Variants in CSMD1 observed in about 807,000 individuals in gnomAD.
CSMD1 encodes the protein CUB and sushi domain-containing protein 1.
A neutral mutation model predicts 417.5 loss-of-function variants in CSMD1; 213 were observed. The ratio of observed to expected loss-of-function variants is 0.51; its 90% CI spans 0.46 to 0.57. CSMD1 has a LOEUF of 0.57. Among genes scored for constraint, CSMD1 ranks in the 20% least tolerant of loss-of-function variants. CSMD1 has a pLI of 0.00. For missense variants in CSMD1, 6,923 were observed against 4,529.7 expected (o/e 1.53, Z -15.17); for synonymous variants, 2,862 against 1,736.8 (o/e 1.65, Z -16.11).
At chr8:4,975,762 TA>T (rs1810519519) in intron 1 of CSMD1, among the ~76,000 whole-genome samples, 1 of 152,158 alleles carries the variant, frequency 6.6e-6, no homozygotes, top group African/African-American at 2.4e-5. Context: ...ACTGTTTCCA[TA>T]ATAACCACTA....
intron 49 of CSMD1, among the ~76,000 whole-genome samples, chr8:3,064,141 G>C (rs1278726626): frequency 6.6e-6 from 1 of 152,172 alleles, no homozygotes; most frequent in African/African-American, 2.4e-5. Flanking sequence ...ACAGGTTACT[G>C]AATACGTTTT....
In CSMD1 at chr8:3,306,220, G is replaced by T. The variant is rs539319228; in HGVS notation, c.3950+1475C>A. ...AATACACATTACTAAGCTTGATAGG[G>T]TGGCTTTTCTGAATAAGGACAAAAA... On this transcript the variant is annotated intron_variant, in intron 25 of 69. Coordinates refer to ENST00000635120, the MANE Select transcript of CSMD1 (RefSeq NM_033225.6). Among the ~76,000 whole-genome samples the T allele has an allele frequency of 3.3e-5, 5 of 152,274 alleles. No homozygotes were observed. In the South Asian group the frequency reaches 1.0e-3, roughly 32 times the overall value.
At chr8:4,465,413 G>A (rs1329710467) in intron 2 of CSMD1, among the ~76,000 whole-genome samples, 1 of 152,104 alleles carries the variant, frequency 6.6e-6, no homozygotes, top group Non-Finnish European at 1.5e-5. Flanking sequence ...TCATGCTGAA[G>A]GAGCCTTGTA....
At chr8:4,747,658 G>A (rs751001383) in intron 1 of CSMD1, among the ~76,000 whole-genome samples, 14 of 152,080 alleles carry the variant, frequency 9.2e-5, no homozygotes, top group African/African-American at 3.4e-4. Context: ...ATACTCAGTT[G>A]TTGATTTTGC....
intron 10 of CSMD1, among the ~76,000 whole-genome samples, chr8:3,536,472 C>G (rs1798204394): frequency 6.6e-6 from 1 of 152,258 alleles, no homozygotes; most frequent in Middle Eastern, 3.4e-3. Context: ...GGCCAGGTTT[C>G]CTCTTTGATT....
At chr8:3,759,673 C>T (rs1797879787) in intron 5 of CSMD1, among the ~76,000 whole-genome samples, 1 of 150,634 alleles carries the variant, frequency 6.6e-6, no homozygotes, top group Admixed American at 6.6e-5. Flanking sequence ...GTCAGCGGAC[C>T]ACCTGAGGTC....
chr8:4,487,824 A>T (rs539354171), intron 2 of CSMD1, among the ~76,000 whole-genome samples: 3 of 94,482 alleles, frequency 3.2e-5, no homozygotes, highest in African/African-American at 3.0e-5. Flanking sequence ...GAGAGAGATA[A>T]CAAGGGCTAA....
chr8:4,160,168 G>A (rs888860732), intron 3 of CSMD1, among the ~76,000 whole-genome samples: 2 of 151,722 alleles, frequency 1.3e-5, no homozygotes, highest in Admixed American at 1.3e-4. Flanking sequence ...ATGATTTACT[G>A]ACTAAGACTT....
At chr8:3,965,839 G>A (rs1391751880) in intron 5 of CSMD1, among the ~76,000 whole-genome samples, 1 of 152,064 alleles carries the variant, frequency 6.6e-6, no homozygotes, top group South Asian at 2.1e-4. Flanking sequence ...GGCCGGTCTT[G>A]AACTCTTGAC....
rs564159163 is a variant in CSMD1 at position 4,684,843 on chromosome 8, T to C, written c.86-47285A>G. ...GATAGCTTATTCATGTTAAAGAATA[T>C]AATAGACAAACCTGTGCTACTCTTT... On this transcript the variant is annotated intron_variant, in intron 1 of 69. Coordinates refer to ENST00000635120, the MANE Select transcript of CSMD1 (RefSeq NM_033225.6). 1.1e-3 allele frequency among the ~76,000 whole-genome samples: 161 copies of C among 152,314 alleles called. 1 individual carries two copies. Among genetic ancestry groups the C allele is most frequent in the Non-Finnish European group, 2.1e-3 (142 of 68,006 alleles).
intron 2 of CSMD1, among the ~76,000 whole-genome samples, chr8:4,570,439 A>T (rs1031264041): frequency 1.3e-5 from 2 of 152,166 alleles, no homozygotes; most frequent in African/African-American, 4.8e-5. Context: ...GATTACGCCT[A>T]TTGATTTGTG....
chr8:4,254,946 T>C (rs994030452), intron 3 of CSMD1, among the ~76,000 whole-genome samples: 6 of 152,204 alleles, frequency 3.9e-5, no homozygotes, highest in Non-Finnish European at 8.8e-5. Context: ...AACACATGAC[T>C]GGAGTGGACT....
chr8:3,359,747 C>T (rs1503284), intron 20 of CSMD1, among the ~76,000 whole-genome samples: 8,985 of 152,028 alleles, frequency 0.059, 356 homozygotes, highest in Middle Eastern at 0.095. Context: ...AAGGCAAGAT[C>T]GGAAATGTTC....
intron 5 of CSMD1, among the ~76,000 whole-genome samples, chr8:3,830,428 T>C (rs965130004): frequency 6.6e-6 from 1 of 152,244 alleles, no homozygotes; most frequent in African/African-American, 2.4e-5. Flanking sequence ...GTTCTAATTA[T>C]ACGTTGACTA....
chr8:4,159,917 A>T (rs553161407), intron 3 of CSMD1, among the ~76,000 whole-genome samples: 86 of 152,234 alleles, frequency 5.6e-4, no homozygotes, highest in African/African-American at 1.9e-3. Flanking sequence ...AGAATGATAT[A>T]AAAAACTTTC....
intron 4 of CSMD1, among the ~76,000 whole-genome samples, chr8:4,002,452 G>T (rs910169361): frequency 6.6e-6 from 1 of 152,090 alleles, no homozygotes; most frequent in South Asian, 2.1e-4. Flanking sequence ...AAATAAATCA[G>T]TTTGTTTCCT....
At chr8:4,041,138 T>A (rs1467862889) in intron 3 of CSMD1, among the ~76,000 whole-genome samples, 1 of 148,820 alleles carries the variant, frequency 6.7e-6, no homozygotes, top group Non-Finnish European at 1.5e-5. Context: ...TGCCTCAGCC[T>A]CCCGAGTAGC....
intron 6 of CSMD1, among the ~76,000 whole-genome samples, chr8:3,748,046 G>T (rs1286233741): frequency 6.6e-6 from 1 of 152,200 alleles, no homozygotes; most frequent in East Asian, 1.9e-4. Flanking sequence ...GGTAGAAGGG[G>T]TACTGGCTAA....
At chr8:4,076,652 C>G (rs943737123) in intron 3 of CSMD1, among the ~76,000 whole-genome samples, 1 of 152,172 alleles carries the variant, frequency 6.6e-6, no homozygotes, top group African/African-American at 2.4e-5. Flanking sequence ...TATTCTCTAA[C>G]AAGGCCTTAT....
Sources: gnomAD v4.1 joint callset for allele counts (sites outside exome capture counted in the v4.1 genomes callset) on GRCh38, gnomAD v4.1.1 for gene constraint, MANE v1.5 for transcripts, NCBI Gene and HGNC (gene_info 2026-07-23, HGNC 2026-07-21) for gene names.